ZC3H18: variants seen among roughly 807,000 people sequenced by gnomAD.
The protein encoded by ZC3H18 is zinc finger CCCH-type containing 18.
ZC3H18 carries 8 observed loss-of-function variants against 106.1 expected under a neutral mutation model. The ratio of observed to expected loss-of-function variants is 0.08; its 90% CI spans 0.04 to 0.14. The LOEUF is 0.14. Ranked by LOEUF, ZC3H18 falls within the 10% of genes least tolerant of loss-of-function variation. The pLI is 1.00. For missense variants in ZC3H18, 1,318 were observed against 1,278.4 expected (o/e 1.03, Z -0.47); for synonymous variants, 635 against 522.1 (o/e 1.22, Z -2.95).
intron 10 of ZC3H18, chr16:88,623,646 G>C (rs888450184): frequency 1.8e-6 from 1 of 555,720 alleles, no homozygotes; most frequent in African/African-American, 1.9e-5. Context: ...CTGTCCTGTG[G>C]GTGTTTCTAT....
chr16:88,629,138 A>G (rs1199231991), intron 16 of ZC3H18, among the ~76,000 whole-genome samples: 2 of 152,252 alleles, frequency 1.3e-5, no homozygotes, highest in East Asian at 3.8e-4. Context: ...CAGGAGTTCC[A>G]GACCGGCCTG....
chr16:88,593,283 C>G (rs1247852338), intron 3 of ZC3H18, among the ~76,000 whole-genome samples: 1 of 152,176 alleles, frequency 6.6e-6, no homozygotes, highest in African/African-American at 2.4e-5. Context: ...ACAGTGAGCA[C>G]AGCACCGCCG....
rs1352115308 is a variant in ZC3H18, at chr16:88,628,022, C to T, written c.2372C>T (p.Ser791Phe). ...SAKPPAGGKS[S>F]QQPSTPQQAP... is the part of the protein sequence containing the mutation. ...AAACCTCCAGCAGGGGGGAAGTCCT[C>T]CCAGCAGCCCTCGACACCCCAGCAG... Residue 791 changes from serine (S) to phenylalanine (F), a missense_variant, in exon 15 of 18, where the codon TCC (serine) becomes TTC (phenylalanine). By Grantham distance (155) the Ser-to-Phe change is radical (BLOSUM62 -2). Transcript: ENST00000301011. 1 of 1,614,178 alleles carries T rather than the reference C, an allele frequency of 6.2e-7. No homozygotes were observed. The highest frequency in any genetic ancestry group is 1.7e-5 in the Admixed American group (1 of 60,026).
Position 88,623,298 on chromosome 16 carries a change from T to G in ZC3H18, c.1747T>G (p.Ser583Ala). 1 of 1,612,560 alleles carries G rather than the reference T, an allele frequency of 6.2e-7. No homozygotes were observed. The highest frequency in any genetic ancestry group is 8.5e-7 in the Non-Finnish European group (1 of 1,179,854). ...RSRSSSYSSY[S>A]SRSSRHSSFS... ...CCGGTCTTCATCCTACAGCTCCTACTCCAGCCGCTCTTCCAGACACAGCTC... is the reference window on the plus strand; with the variant it reads ...CCGGTCTTCATCCTACAGCTCCTACGCCAGCCGCTCTTCCAGACACAGCTC... Residue 583 changes from serine to alanine, a missense_variant, in exon 10 of 18, where the codon TCC becomes GCC. Around this residue, in one of 6 missense-constraint regions of ZC3H18, gnomAD observed 848 missense variants for 821.7 expected, o/e 1.03. Coordinates refer to ENST00000301011, the MANE Select transcript of ZC3H18 (RefSeq NM_144604.4).
chr16:88,619,177 G>T (rs555379706), intron 8 of ZC3H18, among the ~76,000 whole-genome samples: 23 of 152,288 alleles, frequency 1.5e-4, no homozygotes, highest in Middle Eastern at 6.8e-3. Context: ...TGTCCAATGG[G>T]AGGCTGAGGC....
intron 2 of ZC3H18, among the ~76,000 whole-genome samples, chr16:88,582,423 C>T (rs904060047): frequency 6.6e-6 from 1 of 151,952 alleles, no homozygotes; most frequent in African/African-American, 2.4e-5. Flanking sequence ...TGGGTTTCAC[C>T]ATCTTGGCCA....
rs558847856 is a variant in ZC3H18 at position 88,631,655 on chromosome 16, C to T, written c.*356C>T. On this transcript the variant is annotated 3_prime_UTR_variant, in exon 18 of 18. Transcript: ENST00000301011. ...GAGCCCCAGCTCTGGGTCCCTAGCC[C>T]GGGTCCAGGCAGCCAGGCTCCCTCC... 185 of 471,830 alleles carry T rather than the reference C, an allele frequency of 3.9e-4. 1 individual carries two copies. Among genetic ancestry groups the T allele is most frequent in the South Asian group, 2.7e-3 (174 of 64,664 alleles). The allele number at this position is 471,830 out of a possible 1,614,324, so 29.2% of individuals were successfully genotyped here.
intron 3 of ZC3H18, among the ~76,000 whole-genome samples, chr16:88,590,447 A>G (rs182271357): frequency 2.3e-4 from 35 of 152,088 alleles, no homozygotes; most frequent in African/African-American, 7.5e-4. Flanking sequence ...GTACTTCTTC[A>G]TGGGATGTTT....
At chr16:88,624,130 G>GA in intron 11 of ZC3H18, 68 bp downstream of exon 11, 2 of 1,577,180 alleles carry the variant, frequency 1.3e-6, no homozygotes, top group Non-Finnish European at 1.7e-6. Flanking sequence ...TCCTCCCTCC[G>GA]TCTCTATCTC....
Position 88,628,165 on chromosome 16 carries a change from G to C in ZC3H18, c.2469+46G>C, listed in dbSNP as rs556545261. The C allele has an allele frequency of 1.8e-5, 28 of 1,593,478 alleles. No individual in the cohort carries two copies. In the African/African-American group the frequency reaches 3.6e-4, roughly 21 times the overall value. On this transcript the variant is annotated intron_variant, in intron 15 of 17. Coordinates refer to ENST00000301011, the MANE Select transcript of ZC3H18 (RefSeq NM_144604.4). ...GGTGGCTGCCCCAGCGTCTAGGCCT[G>C]GGTCCATCTGCTTCCTGAGACAGCT...
chr16:88,619,236 C>T (rs1192393368), intron 8 of ZC3H18, among the ~76,000 whole-genome samples: 7 of 151,942 alleles, frequency 4.6e-5, no homozygotes, highest in African/African-American at 9.7e-5. Context: ...ATCGCACCAC[C>T]GTACTCCAGC....
intron 6 of ZC3H18, among the ~76,000 whole-genome samples, chr16:88,604,635 G>A (rs990580415): frequency 1.3e-5 from 2 of 152,078 alleles, no homozygotes; most frequent in Non-Finnish European, 2.9e-5. Flanking sequence ...ACAGTGAGCC[G>A]AGATGGCGCC....
At chr16:88,613,273 G>A (rs938781733) in intron 8 of ZC3H18, among the ~76,000 whole-genome samples, 1 of 152,226 alleles carries the variant, frequency 6.6e-6, no homozygotes, top group African/African-American at 2.4e-5. Flanking sequence ...TGGACGTTGG[G>A]TTGTTTCCAG....
intron 10 of ZC3H18, 85 bp downstream of exon 10, chr16:88,623,429 T>G: frequency 1.3e-6 from 2 of 1,543,690 alleles, no homozygotes; most frequent in Non-Finnish European, 1.8e-6. Flanking sequence ...GTGGCGCCAG[T>G]AGCCCCTTGG....
Position 88,631,488 on chromosome 16 carries a change from G to A in ZC3H18, c.*189G>A. ...CGCTGAATCCCAGCCTCCCTCCCCA[G>A]AGCAGAAGTCCCGCAGGACAGACAG... On this transcript the variant is annotated 3_prime_UTR_variant, in exon 18 of 18. Transcript: ENST00000301011. 1 of 771,830 alleles carries A rather than the reference G, an allele frequency of 1.3e-6. No individual in the cohort carries two copies. Among genetic ancestry groups the A allele is most frequent in the Non-Finnish European group, 2.1e-6 (1 of 468,046 alleles). The allele number at this position is 771,830 out of a possible 1,614,324, so 47.8% of individuals were successfully genotyped here.
chr16:88,600,248 A>G (rs1904677596), intron 6 of ZC3H18, among the ~76,000 whole-genome samples: 1 of 152,164 alleles, frequency 6.6e-6, no homozygotes, highest in Non-Finnish European at 1.5e-5. Flanking sequence ...CTAGAGCCCC[A>G]CAAGTCTGTG....
chr16:88,600,419 G>A (rs912886971), intron 6 of ZC3H18, among the ~76,000 whole-genome samples: 1 of 151,912 alleles, frequency 6.6e-6, no homozygotes, highest in Non-Finnish European at 1.5e-5. Flanking sequence ...TTGTTTTTTG[G>A]TTTTTTTTCC....
At chr16:88,591,806 C>G (rs938436315) in intron 3 of ZC3H18, among the ~76,000 whole-genome samples, 4 of 152,060 alleles carry the variant, frequency 2.6e-5, no homozygotes, top group Non-Finnish European at 5.9e-5. Context: ...TTTTGTGGAA[C>G]TGCTGGCAGC....
intron 1 of ZC3H18, among the ~76,000 whole-genome samples, chr16:88,575,503 C>T (rs752921887): frequency 3.9e-5 from 6 of 152,008 alleles, no homozygotes; most frequent in Non-Finnish European, 8.8e-5. Context: ...TGACTAGCTG[C>T]CCTGGTAGTG....
Sources: gnomAD v4.1 joint callset for allele counts (sites outside exome capture counted in the v4.1 genomes callset) on GRCh38, gnomAD v4.1.1 for gene constraint, gnomAD v4.1.1 regional missense constraint, MANE v1.5 for transcripts, NCBI Gene and HGNC (gene_info 2026-07-23, HGNC 2026-07-21) for gene names.